LMF1: variants seen among roughly 807,000 people sequenced by gnomAD.
LMF1 encodes transmembrane protein 112.
A neutral mutation model predicts 60.6 loss-of-function variants in LMF1; 68 were observed. The ratio of observed to expected loss-of-function variants is 1.12; its 90% confidence interval spans 0.92 to 1.37. LMF1 has a LOEUF of 1.37. Among genes scored for constraint, LMF1 ranks in the 40% most tolerant of loss-of-function variants. The pLI is 0.00. For synonymous variants in LMF1, 418 were observed against 324.7 expected (o/e 1.29, Z -3.09); for missense variants, 948 against 767.2 (o/e 1.24, Z -2.78).
chr16:968,177 T>G (rs901108586), intron 1 of LMF1, among the ~76,000 whole-genome samples: 1 of 152,178 alleles, frequency 6.6e-6, no homozygotes. Flanking sequence ...CCAGGACGGA[T>G]GCAAAGTCAG....
At chr16:919,307 C>T (rs926579871) in intron 3 of LMF1, among the ~76,000 whole-genome samples, 1 of 151,980 alleles carries the variant, frequency 6.6e-6, no homozygotes, top group Non-Finnish European at 1.5e-5. Context: ...GGGGTTGGCA[C>T]ACCTGAGAAG....
intron 5 of LMF1, among the ~76,000 whole-genome samples, chr16:891,676 C>T (rs2070493382): frequency 6.6e-6 from 1 of 152,276 alleles, no homozygotes; most frequent in East Asian, 1.9e-4. Flanking sequence ...GGGGGAGACA[C>T]AGGCCCCCCT....
intron 3 of LMF1, among the ~76,000 whole-genome samples, chr16:920,605 TC>T (rs1383996167): frequency 1.3e-5 from 2 of 152,006 alleles, no homozygotes; most frequent in Admixed American, 6.5e-5. Context: ...GCCCAGGAGC[TC>T]GTGGAAGGCA....
At chr16:892,175 G>A (rs2070507544) in intron 5 of LMF1, among the ~76,000 whole-genome samples, 1 of 152,236 alleles carries the variant, frequency 6.6e-6, no homozygotes, top group African/African-American at 2.4e-5. Flanking sequence ...AGCAACCCTG[G>A]CAGAAAACGC....
intron 1 of LMF1, chr16:979,062 G>T (rs2073259233): frequency 2.2e-6 from 1 of 453,998 alleles, no homozygotes; most frequent in Non-Finnish European, 4.4e-6. Context: ...AGCGTCTGCA[G>T]GGCAGGAGCT....
intron 2 of LMF1, among the ~76,000 whole-genome samples, chr16:935,453 A>C (rs1450513355): frequency 6.6e-6 from 1 of 151,750 alleles, no homozygotes; most frequent in Admixed American, 6.6e-5. Flanking sequence ...TGACTTGTAC[A>C]CTTTATGTCA....
At chr16:886,984 G>A (rs988986711) in intron 5 of LMF1, 22 of 151,786 alleles carry the variant, frequency 1.4e-4, no homozygotes, top group African/African-American at 4.8e-4. Flanking sequence ...GAGACAAGGC[G>A]AGAAGCCTCG....
At chr16:890,428 C>A (rs13336816) in intron 5 of LMF1, among the ~76,000 whole-genome samples, 1 of 152,020 alleles carries the variant, frequency 6.6e-6, no homozygotes, top group Non-Finnish European at 1.5e-5. Context: ...GGCCCGGCCC[C>A]CCGAGACAGC....
chr16:879,497 C>T (rs948574549), intron 6 of LMF1, 73 bp downstream of exon 6: 38 of 1,537,276 alleles, frequency 2.5e-5, no homozygotes, highest in Middle Eastern at 2.0e-4. Context: ...TCCCAGAGAG[C>T]GGGGCAGCCA....
At chr16:957,322 T>C (rs772421062) in intron 1 of LMF1, among the ~76,000 whole-genome samples, 7 of 152,262 alleles carry the variant, frequency 4.6e-5, no homozygotes, top group Middle Eastern at 3.4e-3. Context: ...TTGGAGTGAG[T>C]GTCTGTGTAG....
intron 1 of LMF1, among the ~76,000 whole-genome samples, chr16:957,040 C>T (rs146091971): frequency 0.011 from 1,631 of 151,908 alleles, 32 homozygotes; most frequent in African/African-American, 0.037. Flanking sequence ...CCCGGTAGTC[C>T]CACCTACTTG....
intron 4 of LMF1, chr16:902,405 G>C (rs577186992): frequency 6.5e-6 from 1 of 152,942 alleles, no homozygotes; most frequent in Non-Finnish European, 1.5e-5. Context: ...AGCGTCCCCC[G>C]CCTTGCTGGA....
At chr16:914,707 C>CCTTCCT (rs2071229076) in intron 3 of LMF1, among the ~76,000 whole-genome samples, 1 of 64,720 alleles carries the variant, frequency 1.5e-5, no homozygotes, top group Admixed American at 1.6e-4. Context: ...ACACTCCCTC[C>CCTTCCT]CACGACCATT....
In LMF1 at chr16:888,821, G is replaced by A. The variant is rs547093642; in HGVS notation, c.729+4186C>T. 2.6e-5 allele frequency among the ~76,000 whole-genome samples: 4 copies of A among 152,304 alleles called. No homozygotes were observed. The South Asian group carries it at 8.3e-4, about 32-fold the overall frequency. ...GTGGGGTTTTAGGGACAGCTACATG[G>A]GGACCCCGGGAGAGGGATGCACAGG... On this transcript the variant is annotated intron_variant, in intron 5 of 10. Transcript: ENST00000262301.
chr16:853,827 G>A lies in LMF1; in HGVS notation c.*705C>T. On this transcript the variant is annotated 3_prime_UTR_variant, in exon 11 of 11. Transcript: ENST00000262301. ...AGAGGCAGCGAGGTCACAGCCTGGT[G>A]GAGGGTCTGGGTGTGCGCTGTGTCC... 2.2e-6 allele frequency: 1 copy of A among 454,128 alleles called. No individual in the cohort carries two copies. The highest frequency in any genetic ancestry group is 4.4e-6 in the Non-Finnish European group (1 of 226,788). 28.1% of individuals were successfully genotyped at this position (454,128 alleles called of 1,614,324 possible).
rs1238606410 is a variant in LMF1, at chr16:978,085, CCAAA to C, written c.-135+3056_-135+3059del. On this transcript the variant is annotated intron_variant, in intron 1 of 6. Transcript: ENST00000570014. ...CCACACCCTGCACACATACACCACA[CCAAA>C]CACACACGGACACACACACACCACA... Among the ~76,000 whole-genome samples, 93 of 116,282 alleles carry C rather than the reference CCAAA, an allele frequency of 8.0e-4. 1 individual carries two copies. Among genetic ancestry groups the C allele is most frequent in the African/African-American group, 3.7e-3 (87 of 23,534 alleles). 76.3% of individuals were successfully genotyped at this position (116,282 alleles called of 152,430 possible). A position where few individuals can be genotyped will look rare whatever the true frequency, so the allele number is the denominator to read the frequency against.
chr16:947,891 G>T (rs1339085363), intron 2 of LMF1, among the ~76,000 whole-genome samples: 6 of 149,928 alleles, frequency 4.0e-5, no homozygotes, highest in Non-Finnish European at 8.8e-5. Context: ...GACAGAGTTA[G>T]AGACAATGAC....
At chr16:970,248 C>A (rs951075462) in intron 1 of LMF1, among the ~76,000 whole-genome samples, 3 of 152,248 alleles carry the variant, frequency 2.0e-5, no homozygotes, top group African/African-American at 7.2e-5. Context: ...GCCGGCTCCT[C>A]GGATTTTGGC....
chr16:900,922 G>A (rs4262947), intron 4 of LMF1: 64,301 of 151,848 alleles, frequency 0.42, 15,495 homozygotes, highest in African/African-American at 0.66. Flanking sequence ...TTATCCTCCC[G>A]TGGGCCTGCG....
Sources: gnomAD v4.1 joint callset for allele counts (sites outside exome capture counted in the v4.1 genomes callset) on GRCh38, gnomAD v4.1.1 for gene constraint, MANE v1.5 for transcripts, NCBI Gene and HGNC (gene_info 2026-07-23, HGNC 2026-07-21) for gene names.